The following KDM5A variants were observed in gnomAD, a reference collection of about 807,000 sequenced individuals.
KDM5A encodes lysine-specific demethylase 5A.
KDM5A carries 42 observed loss-of-function variants against 193.5 expected under a neutral mutation model. The ratio of observed to expected loss-of-function variants is 0.22; its 90% CI spans 0.17 to 0.28. The LOEUF (loss-of-function observed/expected upper bound fraction) is 0.28, where lower values mean the gene tolerates loss of function less well. KDM5A is among the 10% of genes least tolerant of loss of function. KDM5A has a pLI of 1.00. For synonymous variants in KDM5A, 796 were observed against 718.1 expected, an observed-to-expected ratio of 1.11 and a Z score of -1.73; for missense variants, 1,692 against 2,055.1, an observed-to-expected ratio of 0.82 and a Z score of 3.42.
intron 17 of KDM5A, among the ~76,000 whole-genome samples, chr12:321,375 G>T (rs1943713844): frequency 6.6e-6 from 1 of 152,192 alleles, no homozygotes; most frequent in Non-Finnish European, 1.5e-5. Flanking sequence ...GGAATATTAA[G>T]TTCATTGATA....
At chr12:321,254 A>G in intron 17 of KDM5A, 145 bp from the exon 18 acceptor site, 1 of 667,918 alleles carries the variant, frequency 1.5e-6, no homozygotes, top group Non-Finnish European at 2.7e-6. Flanking sequence ...TGACCACTTC[A>G]AAACAGTTGA....
chr12:347,419 G>C (rs1944092683), intron 10 of KDM5A, among the ~76,000 whole-genome samples: 3 of 152,092 alleles, frequency 2.0e-5, no homozygotes, highest in Admixed American at 6.6e-5. Context: ...CTACTTTAAA[G>C]TTCATATGGA....
intron 3 of KDM5A, among the ~76,000 whole-genome samples, chr12:382,070 C>T (rs1204749648): frequency 6.6e-6 from 1 of 152,196 alleles, no homozygotes; most frequent in Non-Finnish European, 1.5e-5. Flanking sequence ...CTCAGCCTCC[C>T]AAAGTGCTGG....
At position 350,572 on chromosome 12, in the gene KDM5A, A is replaced by G. The variant is rs749727697; in HGVS notation, c.1308+49T>C. On this transcript the variant is annotated intron_variant, in intron 10 of 27. Transcript: ENST00000399788. ...GATCCCTTAAGATAGTTTTCAATGCAAAAGCTAAATCAGCTTGGGGGTAAG... is the reference window on the plus strand; with the variant it reads ...GATCCCTTAAGATAGTTTTCAATGCGAAAGCTAAATCAGCTTGGGGGTAAG... The G allele has an allele frequency of 1.9e-5, 30 of 1,598,274 alleles. No homozygotes were observed. The East Asian group carries it at 6.3e-4, about 33-fold the overall frequency.
In KDM5A at chr12:363,060, A is replaced by T. The variant is rs2137466905; in HGVS notation, c.575T>A (p.Val192Glu). Reference protein sequence around the residue: ...QMPNLDLKEKVEPEVLSTDTQ... With the variant: ...QMPNLDLKEKEEPEVLSTDTQ... ...ATCAGTGCTGAGAACCTCAGGCTCCACTTTTTCTTTAAGATCTAAATTAGG... is the reference window on the plus strand; with the variant it reads ...ATCAGTGCTGAGAACCTCAGGCTCCTCTTTTTCTTTAAGATCTAAATTAGG... The change falls in exon 5 of 28, where the codon GTG becomes GAG. Residue 192 changes from valine to glutamate, a missense_variant. Coordinates refer to ENST00000399788, the MANE Select transcript of KDM5A (RefSeq NM_001042603.3). 6.2e-7 allele frequency: 1 copy of T among 1,614,058 alleles called. No homozygotes were observed. The highest frequency in any genetic ancestry group is 2.2e-5 in the East Asian group (1 of 44,892).
Position 389,047 on chromosome 12 carries a change from T to C in KDM5A, c.45A>G (p.Pro15=), listed in dbSNP as rs1330119852. 7.1e-7 allele frequency: 1 copy of C among 1,414,546 alleles called. No individual in the cohort carries two copies. Among genetic ancestry groups the C allele is most frequent in the Non-Finnish European group, 9.5e-7 (1 of 1,054,878 alleles). 87.6% of individuals were successfully genotyped at this position (1,414,546 alleles called of 1,614,324 possible). The stretch of plus-strand genomic sequence containing the variant: ...GCTCAAAGACGGGGCACTCTGGCGG[T>C]GGCACGAACTCCGCCGCGTAGCCCC... ...GPGGYAAEFV[P]PPECPVFEPS... The change falls in exon 1 of 28, where the codon CCA becomes CCG. Residue 15 remains proline (P), a synonymous_variant. Transcript: ENST00000399788.
At chr12:336,746 C>T (rs1943938985) in intron 10 of KDM5A, among the ~76,000 whole-genome samples, 1 of 151,276 alleles carries the variant, frequency 6.6e-6, no homozygotes, top group East Asian at 2.0e-4. Flanking sequence ...GAGGCTGAGG[C>T]AGTGCTTGAA....
chr12:298,096 G>C (rs1343694237), intron 24 of KDM5A, among the ~76,000 whole-genome samples: 1 of 152,232 alleles, frequency 6.6e-6, no homozygotes, highest in African/African-American at 2.4e-5. Context: ...GCACCTGGGG[G>C]AAGGGGCGGC....
At chr12:384,228 C>G in intron 2 of KDM5A, 75 bp from the exon 3 acceptor site, 1 of 1,108,488 alleles carries the variant, frequency 9.0e-7, no homozygotes, top group South Asian at 1.2e-5. Context: ...GGTCCCCAAA[C>G]CCCAGGATGT....
intron 16 of KDM5A, 104 bp downstream of exon 16, chr12:322,978 C>T (rs1943737087): frequency 6.8e-7 from 1 of 1,461,614 alleles, no homozygotes; most frequent in Non-Finnish European, 9.5e-7. Context: ...CATAGGAAGC[C>T]TAGGATTTTT....
chr12:298,886 G>A (rs1020931794), intron 24 of KDM5A, among the ~76,000 whole-genome samples: 4 of 151,916 alleles, frequency 2.6e-5, no homozygotes, highest in East Asian at 3.9e-4. Context: ...AACACAGCAC[G>A]AGAACTTCGT....
chr12:328,799 A>T (rs1489141767), intron 14 of KDM5A, 36 bp downstream of exon 14: 27 of 1,583,672 alleles, frequency 1.7e-5, no homozygotes, highest in Non-Finnish European at 2.0e-5. Flanking sequence ...TCCCATAAGC[A>T]GTATCAAACA....
intron 2 of KDM5A, among the ~76,000 whole-genome samples, chr12:385,019 G>A (rs528140048): frequency 3.3e-5 from 5 of 151,974 alleles, no homozygotes; most frequent in Admixed American, 1.3e-4. Flanking sequence ...GCAAAACTCC[G>A]TCTCTACTAA....
chr12:296,902 A>G, intron 25 of KDM5A, 139 bp downstream of exon 25: 1 of 863,726 alleles, frequency 1.2e-6, no homozygotes, highest in African/African-American at 1.7e-5. Context: ...AAAAGAAAAC[A>G]GCATTTTCAG....
intron 13 of KDM5A, among the ~76,000 whole-genome samples, chr12:330,089 A>ATATATATATC (rs1393138229): frequency 1.1e-5 from 1 of 91,222 alleles, no homozygotes; most frequent in African/African-American, 4.3e-5. Context: ...GTGTGTGTAT[A>ATATATATATC]TATATATATC....
At chr12:360,392 G>C (rs760517123) in intron 5 of KDM5A, among the ~76,000 whole-genome samples, 3 of 152,114 alleles carry the variant, frequency 2.0e-5, no homozygotes, top group Admixed American at 6.6e-5. Flanking sequence ...AAAATAAAGG[G>C]AAGAGAAAAG....
intron 3 of KDM5A, among the ~76,000 whole-genome samples, chr12:366,682 C>T (rs1235071334): frequency 1.3e-5 from 2 of 152,034 alleles, no homozygotes; most frequent in Non-Finnish European, 2.9e-5. Flanking sequence ...ATACGGAGTA[C>T]AGAATATATT....
intron 15 of KDM5A, 109 bp downstream of exon 15, chr12:323,491 A>G: frequency 8.7e-7 from 1 of 1,155,428 alleles, no homozygotes; most frequent in Non-Finnish European, 1.3e-6. Context: ...TAGACAGTGA[A>G]GTTTAGAAGT....
chr12:314,549 G>C (rs556556083), intron 19 of KDM5A, among the ~76,000 whole-genome samples: 1 of 152,156 alleles, frequency 6.6e-6, no homozygotes, highest in Non-Finnish European at 1.5e-5. Flanking sequence ...ATGATGCTCT[G>C]TGGTAAGTGT....
Sources: gnomAD v4.1 joint callset for allele counts (sites outside exome capture counted in the v4.1 genomes callset) on GRCh38, gnomAD v4.1.1 for gene constraint, MANE v1.5 for transcripts, NCBI Gene and HGNC (gene_info 2026-07-23, HGNC 2026-07-21) for gene names.